Variants in SGK1 observed in about 807,000 individuals in gnomAD.
SGK1 encodes serine/threonine-protein kinase Sgk1.
SGK1 carries 26 observed loss-of-function variants against 64.2 expected under a neutral mutation model. The observed-to-expected ratio is 0.40, with a 90% confidence interval of 0.30 to 0.56. The LOEUF (loss-of-function observed/expected upper bound fraction) is 0.56. Among genes scored for constraint, SGK1 ranks in the 20% least tolerant of loss-of-function variants. The pLI, the probability that SGK1 is intolerant of heterozygous loss-of-function variation, is 0.38. For missense variants in SGK1, 519 were observed against 645.6 expected, an observed-to-expected ratio of 0.80 and a Z score of 2.12; for synonymous variants, 265 against 239.7, an observed-to-expected ratio of 1.11 and a Z score of -0.98.
Position 134,317,646 on chromosome 6 carries a change from C to G in SGK1, c.-186G>C, listed in dbSNP as rs1777707564. 1 of 602,768 alleles carries G rather than the reference C, an allele frequency of 1.7e-6. No homozygotes were observed. The highest frequency in any genetic ancestry group is 3.0e-6 in the Non-Finnish European group (1 of 336,040). 37.3% of individuals were successfully genotyped at this position (602,768 alleles called of 1,614,324 possible). On this transcript the variant is annotated 5_prime_UTR_variant, in exon 1 of 14. Transcript: ENST00000367858. ...CAGCTACTGCAGCAACCTCTCCCCA[C>G]TTTCAGTTGCCACCGACAGCGGCTT... is the stretch of plus-strand genomic sequence containing the variant.
intron 1 of SGK1, among the ~76,000 whole-genome samples, chr6:134,283,625 A>T (rs1173629195): frequency 6.6e-6 from 1 of 152,040 alleles, no homozygotes; most frequent in Non-Finnish European, 1.5e-5. Context: ...AGGTGGGAGG[A>T]TCATTTGAGC....
chr6:134,206,363 ATATATATATATATATATATATTTTT>A (rs1775775833), intron 3 of SGK1, among the ~76,000 whole-genome samples: 1 of 22,658 alleles, frequency 4.4e-5, no homozygotes, highest in African/African-American at 1.6e-4. Flanking sequence ...ATATATATAT[ATATATATATATATATATATATTTTT>A]TTTTTTTTTT....
At chr6:134,208,850 G>A (rs989333164) in intron 2 of SGK1, among the ~76,000 whole-genome samples, 6 of 147,864 alleles carry the variant, frequency 4.1e-5, no homozygotes, top group South Asian at 2.1e-4. Flanking sequence ...GTATGCATAC[G>A]CATACATGTA....
chr6:134,305,036 T>C (rs1362252090), intron 1 of SGK1, among the ~76,000 whole-genome samples: 2 of 152,070 alleles, frequency 1.3e-5, no homozygotes, highest in Admixed American at 6.5e-5. Flanking sequence ...GAACAGTGAA[T>C]GATAGAGAAG....
In SGK1 at chr6:134,169,869, C is replaced by T. The variant is rs1162537196; in HGVS notation, c.*399G>A. ...GGGAAAATAAAGAACTGAAACACTG[C>T]GATAGGAAAAGCTTTGGAGCTAACA... On this transcript the variant is annotated 3_prime_UTR_variant, in exon 14 of 14. Coordinates refer to ENST00000367858, the MANE Select transcript of SGK1 (RefSeq NM_001143676.3). The T allele has an allele frequency of 5.8e-5, 9 of 155,640 alleles. No individual in the cohort carries two copies. Among genetic ancestry groups the T allele is most frequent in the East Asian group, 5.6e-4 (3 of 5,360 alleles). 9.6% of individuals were successfully genotyped at this position (155,640 alleles called of 1,614,324 possible). A position where few individuals can be genotyped will look rare whatever the true frequency, so the allele number is the denominator to read the frequency against.
chr6:134,316,746 A>C (rs1327912155), intron 1 of SGK1, among the ~76,000 whole-genome samples: 4 of 56,144 alleles, frequency 7.1e-5, no homozygotes, highest in South Asian at 4.2e-4. Flanking sequence ...TCTCTCCCAA[A>C]AAAAAAAAAA....
chr6:134,260,577 CAGA>C (rs1776751941), intron 2 of SGK1: 1 of 149,980 alleles, frequency 6.7e-6, no homozygotes, highest in South Asian at 2.1e-4. Flanking sequence ...GAGACTGAGG[CAGA>C]AGAATTACTT....
rs1276251144 is a variant in SGK1 at position 134,174,538 on chromosome 6, A to C, written c.410T>G (p.Ile137Ser). 6.2e-7 allele frequency: 1 copy of C among 1,613,870 alleles called. No homozygotes were observed. Among genetic ancestry groups the C allele is most frequent in the East Asian group, 2.2e-5 (1 of 44,884 alleles). ...RMGLNDFIQK[I>S]ANNSYACKHP... ...TTTGCATGCATAGGAGTTATTGGCA[A>C]TCTTCTGAATAAAGTCGTTCAGACC... Residue 137 changes from isoleucine (I) to serine (S), a missense_variant, in exon 4 of 14, where the codon ATT (isoleucine) becomes AGT (serine). This residue lies in a region of SGK1 where 241 missense variants were observed against 236.9 expected (regional missense o/e 1.02). Transcript: ENST00000367858.
At chr6:134,279,268 T>C (rs573438116) in intron 1 of SGK1, among the ~76,000 whole-genome samples, 64 of 151,916 alleles carry the variant, frequency 4.2e-4, no homozygotes, top group Middle Eastern at 3.4e-3. Flanking sequence ...CCCGTCTTTA[T>C]TAAAAATACA....
intron 2 of SGK1, among the ~76,000 whole-genome samples, chr6:134,235,634 C>T (rs1409290889): frequency 1.3e-5 from 2 of 151,578 alleles, no homozygotes; most frequent in African/African-American, 2.4e-5. Context: ...GGCAATGGCA[C>T]GAGCTCGGCT....
chr6:134,213,047 A>G (rs1775917022), intron 2 of SGK1, among the ~76,000 whole-genome samples: 1 of 152,158 alleles, frequency 6.6e-6, no homozygotes. Context: ...GTATCACACC[A>G]TTCTTTATGG....
chr6:134,175,873 T>C (rs1775219893), intron 3 of SGK1: 6 of 1,173,686 alleles, frequency 5.1e-6, no homozygotes, highest in Non-Finnish European at 6.3e-6. Flanking sequence ...TCCCAGAACT[T>C]GGAAGAGGAG....
In SGK1 at chr6:134,173,295, T is replaced by C. The variant is rs751944771; in HGVS notation, c.681A>G (p.Lys227=). 3.7e-6 allele frequency: 6 copies of C among 1,613,718 alleles called. No individual in the cohort carries two copies. In the African/African-American group the frequency reaches 8.0e-5, roughly 22 times the overall value. Reference sequence around the variant, plus strand: ...ATACCTCTTTCTTTTTCAGGATTGCTTTCTTCTGTAAAACTTTGACTGCAT... The same window carrying C: ...ATACCTCTTTCTTTTTCAGGATTGCCTTCTTCTGTAAAACTTTGACTGCAT... ...VFYAVKVLQK[K]AILKKKEEKH... is the part of the protein sequence containing the mutation. Residue 227 remains lysine (K), a synonymous_variant, in exon 7 of 14, where the codon AAA becomes AAG. Transcript: ENST00000367858.
rs1481344600 is a variant in SGK1, at chr6:134,206,380, TATA to T, written c.361+973_361+975del. ...ATATATATATATATATATATATATA[TATA>T]TTTTTTTTTTTTTTTTTTTTTTTTA... On this transcript the variant is annotated intron_variant, in intron 3 of 13. Coordinates refer to ENST00000367858, the MANE Select transcript of SGK1 (RefSeq NM_001143676.3). Among the ~76,000 whole-genome samples the T allele has an allele frequency of 4.0e-3, 26 of 6,460 alleles. 1 individual carries two copies. The highest frequency in any genetic ancestry group is 0.013 in the African/African-American group (23 of 1,766). 4.2% of individuals were successfully genotyped at this position (6,460 alleles called of 152,430 possible).
chr6:134,313,316 G>T (rs1293786082), intron 1 of SGK1, among the ~76,000 whole-genome samples: 5 of 152,082 alleles, frequency 3.3e-5, no homozygotes, highest in African/African-American at 4.8e-5. Flanking sequence ...ACCAGCCAGG[G>T]CAACATAGTG....
intron 3 of SGK1, 171 bp from the exon 4 acceptor site, chr6:134,174,757 C>T: frequency 1.2e-6 from 2 of 1,614,256 alleles, no homozygotes; most frequent in Non-Finnish European, 1.7e-6. Flanking sequence ...CCATGCCCCT[C>T]ATCCTGGAGT....
At chr6:134,171,549 G>A in intron 11 of SGK1, 88 bp downstream of exon 11, 1 of 905,262 alleles carries the variant, frequency 1.1e-6, no homozygotes, top group Non-Finnish European at 1.8e-6. Context: ...TACTGGTAAG[G>A]GCAAGACACC....
Position 134,173,579 on chromosome 6 carries a change from A to G in SGK1, c.514-13T>C. 1.3e-6 allele frequency: 2 copies of G among 1,560,532 alleles called. No individual in the cohort carries two copies. The highest frequency in any genetic ancestry group is 3.4e-4 in the Middle Eastern group (2 of 5,830). ...GAGAAGGACTTGGCTAGAAAAAAAA[A>G]AAAAGAATTTCTTTTAATACCATTG... On this transcript the variant is annotated splice_polypyrimidine_tract_variant and intron_variant, in intron 5 of 13. Coordinates refer to ENST00000367858, the MANE Select transcript of SGK1 (RefSeq NM_001143676.3).
chr6:134,210,699 C>G (rs12202125), intron 2 of SGK1, among the ~76,000 whole-genome samples: 9,292 of 149,762 alleles, frequency 0.062, 369 homozygotes, highest in Non-Finnish European at 0.09. Flanking sequence ...TGGCGGGCAC[C>G]TATAATCCCA....
Sources: allele counts gnomAD v4.1 joint callset (sites outside exome capture counted in the v4.1 genomes callset), GRCh38; gene constraint gnomAD v4.1.1; regional missense constraint gnomAD v4.1.1; transcripts MANE v1.5; gene names NCBI Gene and HGNC (gene_info 2026-07-23, HGNC 2026-07-21).